Variants in UNC13C observed in about 807,000 individuals in gnomAD.
UNC13C encodes the protein protein unc-13 homolog C.
Under a neutral mutation model 245.4 loss-of-function variants are expected in UNC13C, and 174 were observed. The observed-to-expected ratio is 0.71, with a 90% CI of 0.63 to 0.80. The LOEUF is 0.80. Ranked by LOEUF, UNC13C falls within the 30% of genes least tolerant of loss-of-function variation. The pLI is 0.00. For missense variants in UNC13C, 2,829 were observed against 2,602.9 expected, an observed-to-expected ratio of 1.09 and a Z score of -1.89; for synonymous variants, 992 against 895.1, an observed-to-expected ratio of 1.11 and a Z score of -1.93.
At chr15:54,237,529 C>A (rs777286274) in intron 6 of UNC13C, 90 bp from the exon 7 acceptor site, 4 of 928,288 alleles carry the variant, frequency 4.3e-6, no homozygotes, top group Middle Eastern at 2.1e-4. Flanking sequence ...ACAGTGATAG[C>A]CCATATTCTT....
chr15:53,855,542 A>G, the UNC13C span, among the ~76,000 whole-genome samples: 1 of 152,160 alleles, frequency 6.6e-6, no homozygotes, highest in Non-Finnish European at 1.5e-5. Flanking sequence ...TTCTGCATCT[A>G]TTGAGATTAT....
intron 2 of UNC13C, among the ~76,000 whole-genome samples, chr15:54,098,643 T>C (rs1230023356): frequency 6.6e-6 from 1 of 152,166 alleles, no homozygotes; most frequent in Admixed American, 6.5e-5. Context: ...CAGCATAAGA[T>C]AAACAGGTCT....
intron 4 of UNC13C, among the ~76,000 whole-genome samples, chr15:54,182,052 C>G (rs897394339): frequency 6.6e-6 from 1 of 151,834 alleles, no homozygotes; most frequent in Non-Finnish European, 1.5e-5. Flanking sequence ...TTACTCTGAC[C>G]AGGACTTCTA....
chr15:54,208,289 C>G (rs2034777861), intron 4 of UNC13C, among the ~76,000 whole-genome samples: 1 of 152,050 alleles, frequency 6.6e-6, no homozygotes, highest in Non-Finnish European at 1.5e-5. Context: ...CCACAAGGCC[C>G]CACCTCCAAC....
intron 19 of UNC13C, among the ~76,000 whole-genome samples, chr15:54,456,986 C>G (rs1891566467): frequency 6.6e-6 from 1 of 152,032 alleles, no homozygotes; most frequent in Non-Finnish European, 1.5e-5. Flanking sequence ...TTCAACTTTT[C>G]CATGTTCAGT....
intron 31 of UNC13C, among the ~76,000 whole-genome samples, chr15:54,622,656 T>C (rs1024794504): frequency 6.6e-6 from 1 of 152,192 alleles, no homozygotes; most frequent in African/African-American, 2.4e-5. Flanking sequence ...CCAAACTTAC[T>C]TTATCAGATA....
chr15:53,997,137 G>A (rs1894671362), intron 1 of UNC13C, among the ~76,000 whole-genome samples: 1 of 152,034 alleles, frequency 6.6e-6, no homozygotes, highest in Admixed American at 6.5e-5. Flanking sequence ...TCATTTTGAT[G>A]TTTTTATTTG....
chr15:53,939,263 G>T, the UNC13C span, among the ~76,000 whole-genome samples: 1 of 152,004 alleles, frequency 6.6e-6, no homozygotes, highest in Admixed American at 6.6e-5. Context: ...TCCTGGACAC[G>T]TACACCGTCT....
chr15:54,324,351 T>A (rs904086256), intron 14 of UNC13C, among the ~76,000 whole-genome samples: 4 of 152,002 alleles, frequency 2.6e-5, no homozygotes, highest in African/African-American at 9.7e-5. Flanking sequence ...ATTTTGAGAC[T>A]CCAAACCAGT....
At chr15:54,038,124 A>ATAAAAATTTTTTTTTT in intron 2 of UNC13C, among the ~76,000 whole-genome samples, 2 of 45,040 alleles carry the variant, frequency 4.4e-5, no homozygotes, top group African/African-American at 2.1e-4. Flanking sequence ...ATATATATAT[A>ATAAAAATTTTTTTTTT]TTTTTTTTTT....
At chr15:54,148,141 G>T (rs1335971596) in intron 4 of UNC13C, among the ~76,000 whole-genome samples, 1 of 152,122 alleles carries the variant, frequency 6.6e-6, no homozygotes, top group East Asian at 1.9e-4. Flanking sequence ...AAGAGACACT[G>T]TTGAAGGAAA....
the UNC13C span, among the ~76,000 whole-genome samples, chr15:53,932,345 C>G: frequency 6.9e-6 from 1 of 144,882 alleles, no homozygotes. Context: ...CAACAACAAA[C>G]AGTGCTGACC....
At chr15:54,269,628 C>A (rs1039799657) in intron 10 of UNC13C, among the ~76,000 whole-genome samples, 1 of 152,132 alleles carries the variant, frequency 6.6e-6, no homozygotes, top group Non-Finnish European at 1.5e-5. Flanking sequence ...TGACAATTCG[C>A]AGTGCTCATC....
chr15:53,866,974 A>T, the UNC13C span, among the ~76,000 whole-genome samples: 1 of 152,220 alleles, frequency 6.6e-6, no homozygotes, highest in African/African-American at 2.4e-5. Context: ...TGTTCACTGT[A>T]TCAGTAATTA....
At chr15:54,003,122 A>T (rs1258721853) in intron 1 of UNC13C, among the ~76,000 whole-genome samples, 1 of 152,154 alleles carries the variant, frequency 6.6e-6, no homozygotes, top group Non-Finnish European at 1.5e-5. Context: ...TGGGACTCTA[A>T]CCCTGCTGCC....
intron 30 of UNC13C, among the ~76,000 whole-genome samples, chr15:54,620,454 A>C (rs961806543): frequency 1.3e-5 from 2 of 152,184 alleles, no homozygotes; most frequent in African/African-American, 2.4e-5. Flanking sequence ...ATATTGCCCT[A>C]CTTAGAATGT....
intron 20 of UNC13C, among the ~76,000 whole-genome samples, chr15:54,499,530 A>C (rs1296084486): frequency 6.6e-6 from 1 of 152,026 alleles, no homozygotes; most frequent in Non-Finnish European, 1.5e-5. Context: ...GCGGTGGGGG[A>C]ATAAAGGGTG....
chr15:54,386,700 T>C (rs2140907670), intron 17 of UNC13C, among the ~76,000 whole-genome samples: 1 of 152,332 alleles, frequency 6.6e-6, no homozygotes, highest in Non-Finnish European at 1.5e-5. Context: ...TAGACATTAT[T>C]CATTTGTATG....
At chr15:54,415,509 G>A (rs779413011) in intron 19 of UNC13C, among the ~76,000 whole-genome samples, 1 of 152,108 alleles carries the variant, frequency 6.6e-6, no homozygotes, top group Non-Finnish European at 1.5e-5. Flanking sequence ...ACTCCACTCT[G>A]AATAAGTACA....
Sources: gnomAD v4.1 joint callset for allele counts (sites outside exome capture counted in the v4.1 genomes callset) on GRCh38, gnomAD v4.1.1 for gene constraint, MANE v1.5 for transcripts, NCBI Gene and HGNC (gene_info 2026-07-23, HGNC 2026-07-21) for gene names.